Variants in ABCC1 observed in about 807,000 individuals in gnomAD.
The protein encoded by ABCC1 is ATP binding cassette subfamily C member 1 (ABCC1 blood group), also known as multidrug resistance-associated protein 1.
A neutral mutation model predicts 172.9 loss-of-function variants in ABCC1; 83 were observed. That is an observed-to-expected ratio of 0.48 (90% CI 0.40 to 0.58). The LOEUF (loss-of-function observed/expected upper bound fraction) is 0.58, where lower values mean the gene tolerates loss of function less well. Ranked by LOEUF, ABCC1 falls within the 20% of genes least tolerant of loss-of-function variation. The pLI is 0.00. For missense variants in ABCC1, 1,817 were observed against 2,002.7 expected (o/e 0.91, Z 1.77); for synonymous variants, 937 against 825.2 (o/e 1.14, Z -2.32).
At chr16:16,020,564 T>G (rs1324715852) in intron 5 of ABCC1, among the ~76,000 whole-genome samples, 1 of 152,210 alleles carries the variant, frequency 6.6e-6, no homozygotes, top group Non-Finnish European at 1.5e-5. Context: ...AGTGGAGTTG[T>G]GTAGTTGCTA....
chr16:16,080,862 G>A (rs1194915455), intron 16 of ABCC1, among the ~76,000 whole-genome samples: 3 of 82,494 alleles, frequency 3.6e-5, no homozygotes, highest in East Asian at 3.5e-4. Context: ...AGTTTATGAC[G>A]TTGTTTGTTG....
intron 16 of ABCC1, among the ~76,000 whole-genome samples, chr16:16,081,493 G>A (rs1351244011): frequency 2.0e-5 from 3 of 152,156 alleles, no homozygotes; most frequent in African/African-American, 7.2e-5. Flanking sequence ...TAAGGGGAGT[G>A]CTAGAAATGT....
intron 12 of ABCC1, among the ~76,000 whole-genome samples, chr16:16,065,316 G>A (rs766725092): frequency 6.6e-6 from 1 of 152,090 alleles, no homozygotes; most frequent in Non-Finnish European, 1.5e-5. Context: ...AGGCTGGTGC[G>A]GGGGCACAGT....
intron 21 of ABCC1, among the ~76,000 whole-genome samples, chr16:16,108,849 C>A (rs2052261829): frequency 6.6e-6 from 1 of 151,656 alleles, no homozygotes; most frequent in African/African-American, 2.4e-5. Flanking sequence ...TGGCCCGCCT[C>A]CCAAAGTACT....
chr16:16,102,812 C>A, intron 20 of ABCC1, 95 bp downstream of exon 20: 2 of 1,173,142 alleles, frequency 1.7e-6, no homozygotes, highest in African/African-American at 3.1e-5. Flanking sequence ...CCCCTGAGGT[C>A]CTGGAAGGCC....
intron 1 of ABCC1, among the ~76,000 whole-genome samples, chr16:15,965,378 G>A (rs775831387): frequency 4.6e-5 from 7 of 151,578 alleles, no homozygotes; most frequent in Admixed American, 1.3e-4. Flanking sequence ...TGCAAGCTCC[G>A]CCTCCCAGGT....
At chr16:15,954,945 A>G (rs2045955806) in intron 1 of ABCC1, among the ~76,000 whole-genome samples, 1 of 151,978 alleles carries the variant, frequency 6.6e-6, no homozygotes, top group African/African-American at 2.4e-5. Flanking sequence ...TTCTCCTCCC[A>G]TTCCTATCAC....
intron 1 of ABCC1, among the ~76,000 whole-genome samples, chr16:15,988,429 T>G (rs1236614371): frequency 6.6e-6 from 1 of 152,208 alleles, no homozygotes; most frequent in Non-Finnish European, 1.5e-5. Flanking sequence ...GAATGCTGTC[T>G]GTCCTGTTAC....
chr16:15,972,116 T>C (rs943673741), intron 1 of ABCC1, among the ~76,000 whole-genome samples: 6 of 148,762 alleles, frequency 4.0e-5, no homozygotes, highest in African/African-American at 1.5e-4. Flanking sequence ...GACTTTTTAT[T>C]TTAAATGGGG....
intron 23 of ABCC1, among the ~76,000 whole-genome samples, chr16:16,116,547 C>T (rs2152100257): frequency 6.6e-6 from 1 of 152,034 alleles, no homozygotes; most frequent in East Asian, 1.9e-4. Flanking sequence ...TACTTCTCCA[C>T]ATTAGAGGCG....
intron 1 of ABCC1, among the ~76,000 whole-genome samples, chr16:15,965,614 T>C (rs1411107415): frequency 6.6e-6 from 1 of 151,870 alleles, no homozygotes; most frequent in African/African-American, 2.4e-5. Flanking sequence ...TTTAACTTTT[T>C]TGAGACAGCA....
intron 5 of ABCC1, among the ~76,000 whole-genome samples, chr16:16,022,747 T>A (rs976759896): frequency 6.6e-6 from 1 of 152,170 alleles, no homozygotes; most frequent in Non-Finnish European, 1.5e-5. Flanking sequence ...CCCCCAGCAT[T>A]TTACTATGAA....
rs762944764 is a variant in ABCC1 at position 16,134,336 on chromosome 16, C to G, written c.3967-14C>G. On this transcript the variant is annotated splice_polypyrimidine_tract_variant and intron_variant, in intron 27 of 30. Coordinates refer to ENST00000399410, the MANE Select transcript of ABCC1 (RefSeq NM_004996.4). ...CCAGCATTCCCACCACACCTGGGCC[C>G]TTCTGTCCTGCAGGTCGGCATCGTG... The G allele has an allele frequency of 1.2e-5, 19 of 1,613,936 alleles. No individual in the cohort carries two copies. The African/African-American group carries it at 2.1e-4, about 18-fold the overall frequency.
At chr16:16,117,913 A>C (rs1262364935) in intron 23 of ABCC1, among the ~76,000 whole-genome samples, 1 of 152,170 alleles carries the variant, frequency 6.6e-6, no homozygotes, top group Non-Finnish European at 1.5e-5. Flanking sequence ...CTAAAAAAAA[A>C]CAGAGAAGTT....
chr16:16,056,209 A>G lies in ABCC1; in HGVS notation c.1591A>G (p.Ile531Val). Residue 531 changes from isoleucine (I) to valine (V), a missense_variant, in exon 12 of 31, where the codon ATC becomes GTC. By Grantham distance (29) the Ile-to-Val change is conservative. Around this residue, in one of 3 missense-constraint regions of ABCC1, gnomAD observed 1,412 missense variants for 1,600.3 expected, o/e 0.88. Transcript: ENST00000399410. ...GGCATTCAAGGACAAGGTGCTGGCC[A>G]TCAGGCAGGAGGAGCTGAAGGTGCT... is the stretch of plus-strand genomic sequence containing the variant. ...ELAFKDKVLAIRQEELKVLKK... is the reference protein window; with the variant it reads ...ELAFKDKVLAVRQEELKVLKK... 6.2e-6 allele frequency: 10 copies of G among 1,614,220 alleles called. No homozygotes were observed. The highest frequency in any genetic ancestry group is 7.6e-6 in the Non-Finnish European group (9 of 1,180,046).
intron 1 of ABCC1, among the ~76,000 whole-genome samples, chr16:15,982,587 C>G (rs956051122): frequency 2.0e-5 from 3 of 150,078 alleles, no homozygotes; most frequent in Non-Finnish European, 3.0e-5. Flanking sequence ...ATTATGGGAA[C>G]TGCAGTTCAA....
intron 1 of ABCC1, among the ~76,000 whole-genome samples, chr16:15,991,190 G>A (rs1341971891): frequency 2.0e-5 from 3 of 151,810 alleles, no homozygotes; most frequent in Non-Finnish European, 2.9e-5. Flanking sequence ...GCCTCCTGGC[G>A]TTTAGCGTCC....
intron 11 of ABCC1, 60 bp from the exon 12 acceptor site, chr16:16,056,032 T>C (rs552529155): frequency 7.0e-7 from 1 of 1,433,872 alleles, no homozygotes; most frequent in Admixed American, 1.8e-5. Context: ...GCTGGTGATG[T>C]TGAGTGATGG....
chr16:16,096,707 A>G (rs2051495911), intron 19 of ABCC1, among the ~76,000 whole-genome samples: 1 of 152,200 alleles, frequency 6.6e-6, no homozygotes, highest in African/African-American at 2.4e-5. Flanking sequence ...TTGCCCAAGC[A>G]GAGTTCCAGA....
Sources: gnomAD v4.1 joint callset for allele counts (sites outside exome capture counted in the v4.1 genomes callset) on GRCh38, gnomAD v4.1.1 for gene constraint, gnomAD v4.1.1 regional missense constraint, MANE v1.5 for transcripts, NCBI Gene and HGNC (gene_info 2026-07-23, HGNC 2026-07-21) for gene names.